The following ASB15 variants were observed in gnomAD, a reference collection of about 807,000 sequenced individuals.
The protein encoded by ASB15 is ankyrin repeat and SOCS box containing 15, also known as ankyrin repeat and SOCS box protein 15.
Under a neutral mutation model 58.0 loss-of-function variants are expected in ASB15, and 54 were observed. That is an observed-to-expected ratio of 0.93 (90% CI 0.75 to 1.17). The LOEUF is 1.17. Among genes scored for constraint, ASB15 ranks in the 50% most tolerant of loss-of-function variants. The pLI is 0.00. For synonymous variants in ASB15, 249 were observed against 262.4 expected (o/e 0.95, Z 0.50); for missense variants, 680 against 707.4 (o/e 0.96, Z 0.44).
chr7:123,594,719 C>A (rs780583650), intron 1 of ASB15, among the ~76,000 whole-genome samples: 1 of 152,156 alleles, frequency 6.6e-6, no homozygotes, highest in Non-Finnish European at 1.5e-5. Flanking sequence ...GAGGAGTCTC[C>A]CTGTCAGGCT....
chr7:123,575,452 T>C (rs931697608), intron 1 of ASB15, among the ~76,000 whole-genome samples: 8 of 152,114 alleles, frequency 5.3e-5, no homozygotes, highest in Admixed American at 4.6e-4. Context: ...CACAATTAAA[T>C]CATACACAAT....
intron 1 of ASB15, chr7:123,596,290 T>A (rs1799689866): frequency 6.6e-6 from 1 of 152,128 alleles, no homozygotes; most frequent in Admixed American, 6.5e-5. Flanking sequence ...GAGTGACATC[T>A]TTTAATGGTA....
rs1479875681 is a variant in ASB15, at chr7:123,609,920, C to G, written c.-3+1266C>G. On this transcript the variant is annotated intron_variant, in intron 3 of 11. Coordinates refer to ENST00000451215, the MANE Select transcript of ASB15 (RefSeq NM_001290258.2). Reference sequence around the variant, plus strand: ...CAACCTCCTCACCATTTCAGTCAGGCACCAACTGGTATGTCGATCCTGTTG... The same window carrying G: ...CAACCTCCTCACCATTTCAGTCAGGGACCAACTGGTATGTCGATCCTGTTG... 2.0e-5 allele frequency among the ~76,000 whole-genome samples: 3 copies of G among 152,200 alleles called. No homozygotes were observed. The East Asian group carries it at 5.8e-4, about 29-fold the overall frequency.
intron 1 of ASB15, among the ~76,000 whole-genome samples, chr7:123,588,066 A>G (rs897801225): frequency 1.3e-5 from 2 of 151,808 alleles, no homozygotes; most frequent in African/African-American, 4.8e-5. Flanking sequence ...GTTTGGGAGT[A>G]TTCCCTCCTC....
At chr7:123,572,183 C>G (rs1006507080) in intron 1 of ASB15, among the ~76,000 whole-genome samples, 2 of 110,654 alleles carry the variant, frequency 1.8e-5, no homozygotes, top group African/African-American at 3.5e-5. Flanking sequence ...CACTCTGTCA[C>G]TAGGCTGGAG....
chr7:123,593,181 G>T (rs1020234244), intron 1 of ASB15, among the ~76,000 whole-genome samples: 2 of 151,778 alleles, frequency 1.3e-5, no homozygotes, highest in Non-Finnish European at 2.9e-5. Context: ...ATGTGAGATG[G>T]GTCTCCTGAA....
intron 3 of ASB15, among the ~76,000 whole-genome samples, chr7:123,610,953 G>A (rs1009717922): frequency 1.3e-5 from 2 of 151,794 alleles, no homozygotes; most frequent in African/African-American, 4.8e-5. Flanking sequence ...ATGGTGGCCG[G>A]TGCCTATAAT....
At chr7:123,572,041 G>C (rs1372285316) in intron 1 of ASB15, among the ~76,000 whole-genome samples, 1 of 151,134 alleles carries the variant, frequency 6.6e-6, no homozygotes, top group Non-Finnish European at 1.5e-5. Context: ...TCCTGCCTTG[G>C]TTTCCCAAAG....
At chr7:123,597,996 T>G (rs1799753962), upstream of ASB15, among the ~76,000 whole-genome samples, 1 of 150,678 alleles carries the variant, frequency 6.6e-6, no homozygotes, top group Non-Finnish European at 1.5e-5. Flanking sequence ...ACAGCCTTCT[T>G]AGGTCTCATC....
At chr7:123,614,267 G>T in intron 3 of ASB15, 2 of 397,548 alleles carry the variant, frequency 5.0e-6, no homozygotes, top group East Asian at 4.7e-5. Flanking sequence ...AAGTTAGAAA[G>T]TGCAAATGCT....
intron 3 of ASB15, among the ~76,000 whole-genome samples, chr7:123,611,782 G>A (rs1017439318): frequency 3.9e-5 from 6 of 152,172 alleles, no homozygotes; most frequent in Admixed American, 3.9e-4. Context: ...TCCTTTGACT[G>A]ACTGTCTGGC....
upstream of ASB15, among the ~76,000 whole-genome samples, chr7:123,597,368 G>A (rs1799727687): frequency 2.0e-5 from 3 of 152,106 alleles, no homozygotes; most frequent in South Asian, 6.2e-4. Context: ...ATTGATGCTA[G>A]TATGTTGTTA....
chr7:123,585,357 A>T lies in ASB15; in HGVS notation c.-443+18269A>T, dbSNP rs545676893. ...ACAACTTCCTCCCCCTATTCCCTAA[A>T]CCTTAATTTAGAGCACACTAGGAGA... On this transcript the variant is annotated intron_variant, in intron 1 of 13. Transcript: ENST00000451558. Among the ~76,000 whole-genome samples the T allele has an allele frequency of 7.2e-5, 11 of 151,742 alleles. No homozygotes were observed. In the South Asian group the frequency reaches 2.3e-3, roughly 31 times the overall value.
intron 3 of ASB15, among the ~76,000 whole-genome samples, chr7:123,610,165 G>A (rs1800363311): frequency 6.6e-6 from 1 of 152,204 alleles, no homozygotes; most frequent in Non-Finnish European, 1.5e-5. Context: ...GCAACAGACT[G>A]TGAGATATTT....
In ASB15 at chr7:123,601,829, A is replaced by AT. The variant is rs1799895576; in HGVS notation, c.-330_-329insT. On this transcript the variant is annotated 5_prime_UTR_variant, in exon 1 of 12. It adds an upstream start codon to the 5' untranslated region. Transcript: ENST00000451215. Reference sequence around the variant, plus strand: ...ACTGGATACTTAATTTTAGATACACAGAAGCACACATTGGCTCCAGGGCAC... The same window carrying AT: ...ACTGGATACTTAATTTTAGATACACATGAAGCACACATTGGCTCCAGGGCAC... 6.6e-6 allele frequency: 1 copy of AT among 152,184 alleles called. No homozygotes were observed. The highest frequency in any genetic ancestry group is 2.4e-5 in the African/African-American group (1 of 41,440). The allele number at this position is 152,184 out of a possible 1,614,324, so 9.4% of individuals were successfully genotyped here. A position where few individuals can be genotyped will look rare whatever the true frequency, so the allele number is the denominator to read the frequency against.
intron 3 of ASB15, among the ~76,000 whole-genome samples, 199 bp downstream of exon 3, chr7:123,608,853 A>G (rs938725492): frequency 1.3e-5 from 2 of 152,000 alleles, no homozygotes; most frequent in African/African-American, 2.4e-5. Context: ...TTATAACAGA[A>G]TTGTATTTAT....
At chr7:123,594,863 CT>C (rs1235208916) in intron 1 of ASB15, among the ~76,000 whole-genome samples, 1 of 152,230 alleles carries the variant, frequency 6.6e-6, no homozygotes, top group East Asian at 1.9e-4. Context: ...TGTCTGCTGC[CT>C]TTTGTTCAGA....
chr7:123,617,526 T>C, intron 6 of ASB15, 53 bp from the exon 7 acceptor site: 3 of 1,462,530 alleles, frequency 2.1e-6, no homozygotes, highest in Non-Finnish European at 2.8e-6. Context: ...ATTTGTGTAA[T>C]ATCCTATAAG....
chr7:123,580,746 C>T (rs1799208016), intron 1 of ASB15, among the ~76,000 whole-genome samples: 1 of 151,908 alleles, frequency 6.6e-6, no homozygotes. Flanking sequence ...GTGCAGTATA[C>T]AACCTGCACA....
Sources: gnomAD v4.1 joint callset for allele counts (sites outside exome capture counted in the v4.1 genomes callset) on GRCh38, gnomAD v4.1.1 for gene constraint, MANE v1.5 for transcripts, NCBI Gene and HGNC (gene_info 2026-07-23, HGNC 2026-07-21) for gene names.